The following FRMD6 variants were observed in gnomAD, a reference collection of about 807,000 sequenced individuals.
The protein encoded by FRMD6 is FERM domain-containing protein 6.
Under a neutral mutation model 73.2 loss-of-function variants are expected in FRMD6, and 37 were observed. That is an observed-to-expected ratio of 0.51 (90% CI 0.39 to 0.66). The LOEUF is 0.66. Among genes scored for constraint, FRMD6 ranks in the 30% least tolerant of loss-of-function variants. The pLI is 0.00. For synonymous variants in FRMD6, 273 were observed against 282.2 expected, an observed-to-expected ratio of 0.97 and a Z score of 0.33; for missense variants, 714 against 780.5, an observed-to-expected ratio of 0.91 and a Z score of 1.02.
At chr14:51,615,168 G>T (rs1890660299) in intron 2 of FRMD6, among the ~76,000 whole-genome samples, 1 of 152,206 alleles carries the variant, frequency 6.6e-6, no homozygotes, top group African/African-American at 2.4e-5. Context: ...GCCTGTTCTA[G>T]CTGCTCTGCA....
chr14:51,696,017 T>C (rs1895923070), intron 2 of FRMD6, among the ~76,000 whole-genome samples: 1 of 152,082 alleles, frequency 6.6e-6, no homozygotes, highest in African/African-American at 2.4e-5. Flanking sequence ...TTAAACTCAT[T>C]ATCATTGAAA....
intron 1 of FRMD6, among the ~76,000 whole-genome samples, chr14:51,679,462 T>C (rs1279073861): frequency 6.6e-6 from 1 of 151,060 alleles, no homozygotes; most frequent in African/African-American, 2.4e-5. Context: ...CTTTCAGTCA[T>C]TGAGGATCAC....
intron 1 of FRMD6, among the ~76,000 whole-genome samples, chr14:51,526,611 A>G (rs1207503222): frequency 2.6e-5 from 4 of 152,156 alleles, no homozygotes; most frequent in African/African-American, 9.7e-5. Flanking sequence ...TAAGCCTCTT[A>G]CACTAAATTC....
At chr14:51,590,908 AT>A (rs1307864880) in intron 2 of FRMD6, among the ~76,000 whole-genome samples, 1 of 152,210 alleles carries the variant, frequency 6.6e-6, no homozygotes, top group Non-Finnish European at 1.5e-5. Context: ...GTGTAGCCTG[AT>A]TTATATATAC....
At chr14:51,521,229 G>A (rs1596533243) in intron 1 of FRMD6, among the ~76,000 whole-genome samples, 1 of 152,122 alleles carries the variant, frequency 6.6e-6, no homozygotes, top group South Asian at 2.1e-4. Flanking sequence ...TAGTATAGGT[G>A]TATTTTATTC....
At chr14:51,702,255 T>C (rs1388911613) in intron 4 of FRMD6, among the ~76,000 whole-genome samples, 1 of 152,014 alleles carries the variant, frequency 6.6e-6, no homozygotes, top group East Asian at 1.9e-4. Flanking sequence ...CCTTATGTTG[T>C]CATTGGCATT....
chr14:51,660,290 C>G (rs1893125429), intron 1 of FRMD6, among the ~76,000 whole-genome samples: 1 of 152,062 alleles, frequency 6.6e-6, no homozygotes, highest in African/African-American at 2.4e-5. Flanking sequence ...TTAGATGTTT[C>G]CAGATGAGTG....
intron 2 of FRMD6, among the ~76,000 whole-genome samples, chr14:51,627,138 A>G (rs569940439): frequency 6.6e-6 from 1 of 152,280 alleles, no homozygotes; most frequent in South Asian, 2.1e-4. Context: ...TCTGCATGAG[A>G]TAGTGAATTC....
intron 1 of FRMD6, among the ~76,000 whole-genome samples, chr14:51,657,419 T>C (rs1031633338): frequency 1.2e-4 from 18 of 152,356 alleles, no homozygotes; most frequent in African/African-American, 4.3e-4. Context: ...TGACTTTTAT[T>C]GTCATGGTTA....
chr14:51,603,944 CAAAA>C (rs34108011), intron 2 of FRMD6, among the ~76,000 whole-genome samples: 4 of 142,794 alleles, frequency 2.8e-5, no homozygotes, highest in African/African-American at 5.2e-5. Flanking sequence ...TCTTGTGATA[CAAAA>C]AAAAAAAAAA....
At chr14:51,626,585 C>T (rs770452738) in intron 2 of FRMD6, among the ~76,000 whole-genome samples, 48 of 152,144 alleles carry the variant, frequency 3.2e-4, no homozygotes, top group Non-Finnish European at 1.0e-4. Context: ...TTCTATATAG[C>T]AGGCTCTCAA....
At chr14:51,639,379 G>C (rs564972981) in intron 2 of FRMD6, among the ~76,000 whole-genome samples, 1 of 151,814 alleles carries the variant, frequency 6.6e-6, no homozygotes, top group Non-Finnish European at 1.5e-5. Flanking sequence ...AGCTTGCAGC[G>C]AGCTGAGATT....
At chr14:51,518,594 G>A (rs1296118767) in intron 1 of FRMD6, among the ~76,000 whole-genome samples, 1 of 152,210 alleles carries the variant, frequency 6.6e-6, no homozygotes, top group African/African-American at 2.4e-5. Context: ...ATGGTGGTCA[G>A]TCTTCTTTTT....
chr14:51,492,781 T>C (rs1413573104), intron 1 of FRMD6, among the ~76,000 whole-genome samples: 2 of 152,238 alleles, frequency 1.3e-5, no homozygotes, highest in African/African-American at 4.8e-5. Context: ...TGACAGAACC[T>C]GGCAAAGTAG....
the FRMD6 span, among the ~76,000 whole-genome samples, chr14:51,462,487 C>T: frequency 1.3e-5 from 2 of 152,200 alleles, no homozygotes; most frequent in South Asian, 2.1e-4. Context: ...GTTTAGGACT[C>T]GGGCTTTCCC....
the FRMD6 span, among the ~76,000 whole-genome samples, chr14:51,402,430 G>T: frequency 1.1e-4 from 16 of 152,092 alleles, no homozygotes; most frequent in Non-Finnish European, 1.5e-4. Flanking sequence ...TCATGATAGT[G>T]AGTGGGCCTC....
intron 1 of FRMD6, among the ~76,000 whole-genome samples, chr14:51,524,075 C>G (rs1885095301): frequency 6.6e-6 from 1 of 152,188 alleles, no homozygotes; most frequent in Non-Finnish European, 1.5e-5. Flanking sequence ...TTTTTGTACA[C>G]ACATACACAA....
intron 1 of FRMD6, among the ~76,000 whole-genome samples, chr14:51,658,180 A>G (rs1892973405): frequency 6.6e-6 from 1 of 152,128 alleles, no homozygotes; most frequent in African/African-American, 2.4e-5. Context: ...GATTAATGCA[A>G]AGGTATTCTA....
intron 2 of FRMD6, among the ~76,000 whole-genome samples, chr14:51,602,361 C>A (rs2139812495): frequency 6.6e-6 from 1 of 152,124 alleles, no homozygotes; most frequent in South Asian, 2.1e-4. Flanking sequence ...CAGATGTAGG[C>A]TTATGTCTCT....
Sources: gnomAD v4.1 joint callset for allele counts (sites outside exome capture counted in the v4.1 genomes callset) on GRCh38, gnomAD v4.1.1 for gene constraint, MANE v1.5 for transcripts, NCBI Gene and HGNC (gene_info 2026-07-23, HGNC 2026-07-21) for gene names.